Variants in TLK1 observed in about 807,000 individuals in gnomAD.
The protein encoded by TLK1 is tousled like kinase 1, also known as serine/threonine-protein kinase tousled-like 1.
A neutral mutation model predicts 105.3 loss-of-function variants in TLK1; 24 were observed. That is an observed-to-expected ratio of 0.23 (90% CI 0.17 to 0.32). The LOEUF (loss-of-function observed/expected upper bound fraction) is 0.32, where lower values mean the gene tolerates loss of function less well. TLK1 is among the 10% of genes least tolerant of loss of function. The pLI is 1.00. For synonymous variants in TLK1, 321 were observed against 310.4 expected (o/e 1.03, Z -0.36); for missense variants, 558 against 910.5 (o/e 0.61, Z 4.98).
chr2:171,098,753 A>G (rs1285804411), intron 2 of TLK1, among the ~76,000 whole-genome samples: 2 of 152,210 alleles, frequency 1.3e-5, no homozygotes, highest in African/African-American at 4.8e-5. Flanking sequence ...CCAGCAACAT[A>G]TAAAAAGGAT....
chr2:171,193,400 G>A (rs1470380430), intron 1 of TLK1, among the ~76,000 whole-genome samples: 1 of 138,758 alleles, frequency 7.2e-6, no homozygotes, highest in African/African-American at 2.6e-5. Flanking sequence ...TTAGTTTTTC[G>A]TTTTTTTTTT....
chr2:171,107,910 C>T (rs1286679043), intron 2 of TLK1, among the ~76,000 whole-genome samples: 1 of 151,698 alleles, frequency 6.6e-6, no homozygotes, highest in Non-Finnish European at 1.5e-5. Flanking sequence ...ATACAAAAAA[C>T]TTAGCCAGGC....
At chr2:171,229,691 G>C (rs1290855105) in intron 1 of TLK1, among the ~76,000 whole-genome samples, 1 of 152,198 alleles carries the variant, frequency 6.6e-6, no homozygotes, top group Non-Finnish European at 1.5e-5. Flanking sequence ...CTAAGTAGGA[G>C]CATTCAAGAG....
chr2:171,022,086 A>AAAACACAC (rs1553605634), intron 12 of TLK1, among the ~76,000 whole-genome samples: 1 of 103,010 alleles, frequency 9.7e-6, no homozygotes, highest in African/African-American at 3.0e-5. Flanking sequence ...CTGGGCGAAA[A>AAAACACAC]ACACACACAC....
At chr2:171,021,494 C>G (rs955635936) in intron 12 of TLK1, among the ~76,000 whole-genome samples, 2 of 141,014 alleles carry the variant, frequency 1.4e-5, no homozygotes, top group Non-Finnish European at 1.5e-5. Flanking sequence ...TTTCCAACTC[C>G]TGGGCTGAAG....
At chr2:171,023,587 CATA>C (rs1685634272) in intron 12 of TLK1, among the ~76,000 whole-genome samples, 1 of 152,126 alleles carries the variant, frequency 6.6e-6, no homozygotes, top group African/African-American at 2.4e-5. Context: ...TAAAGAGTAA[CATA>C]CCCACATGCT....
At chr2:171,147,888 A>G (rs1691854307) in intron 1 of TLK1, among the ~76,000 whole-genome samples, 2 of 150,574 alleles carry the variant, frequency 1.3e-5, no homozygotes, top group Admixed American at 6.6e-5. Flanking sequence ...ATTGGTATGC[A>G]GTCATTCCTT....
chr2:171,227,556 T>A (rs948005559), intron 1 of TLK1, among the ~76,000 whole-genome samples: 4 of 145,864 alleles, frequency 2.7e-5, no homozygotes, highest in Admixed American at 7.1e-5. Flanking sequence ...TAGTCATGAG[T>A]TAGTAAATCT....
upstream of TLK1, among the ~76,000 whole-genome samples, chr2:171,165,399 G>A (rs1249484064): frequency 6.6e-6 from 1 of 152,168 alleles, no homozygotes; most frequent in Admixed American, 6.5e-5. Context: ...TGGAAGGTCA[G>A]ATGCAAAAGG....
chr2:171,138,464 G>A (rs545254568), intron 1 of TLK1, among the ~76,000 whole-genome samples: 4 of 152,256 alleles, frequency 2.6e-5, no homozygotes, highest in South Asian at 2.1e-4. Flanking sequence ...AGGACAGTAC[G>A]AAATAACGTA....
intron 1 of TLK1, among the ~76,000 whole-genome samples, chr2:171,200,357 T>C (rs1293829181): frequency 6.6e-6 from 1 of 152,166 alleles, no homozygotes; most frequent in Non-Finnish European, 1.5e-5. Flanking sequence ...AAAATTTTGG[T>C]CTGTGCAACA....
intron 11 of TLK1, among the ~76,000 whole-genome samples, chr2:171,029,753 TACA>T (rs1187424303): frequency 1.3e-5 from 2 of 152,212 alleles, no homozygotes; most frequent in African/African-American, 4.8e-5. Context: ...TATGCAGAAC[TACA>T]ACAAGGCTTA....
At position 170,996,774 on chromosome 2, in the gene TLK1, T is replaced by A; in HGVS notation, c.2017-14A>T. On this transcript the variant is annotated splice_polypyrimidine_tract_variant and intron_variant, in intron 19 of 20. Coordinates refer to ENST00000431350, the MANE Select transcript of TLK1 (RefSeq NM_012290.5). ...GTGACCAAATGGCTTAAAAAAAAAA[T>A]TAAATGTTGAGATACTTTTCTCACA... 1.9e-6 allele frequency: 3 copies of A among 1,551,394 alleles called. No individual in the cohort carries two copies. The highest frequency in any genetic ancestry group is 1.8e-5 in the Admixed American group (1 of 54,240).
chr2:171,003,273 C>CAA (rs777049271), intron 18 of TLK1, among the ~76,000 whole-genome samples: 1,837 of 68,076 alleles, frequency 0.027, 239 homozygotes, highest in East Asian at 0.04. Flanking sequence ...GACTCCGTCT[C>CAA]AAAAAAAAAA....
At chr2:171,026,076 T>C (rs931939917) in intron 12 of TLK1, among the ~76,000 whole-genome samples, 1 of 152,162 alleles carries the variant, frequency 6.6e-6, no homozygotes, top group Admixed American at 6.5e-5. Flanking sequence ...AGTTATGTTG[T>C]AAATTAGTTA....
rs1368962004 is a variant in TLK1 at position 171,160,247 on chromosome 2, G to A, written c.139+43C>T. ...GGGGGGCGCGGGGGTCCGCGGCGCG[G>A]GAGAGGAGGCCCGCGAGCGGGCGCG... On this transcript the variant is annotated intron_variant, in intron 1 of 20. Coordinates refer to ENST00000431350, the MANE Select transcript of TLK1 (RefSeq NM_012290.5). The surrounding 1 kb of genome is among the most constrained non-coding windows in gnomAD (Gnocchi z 4.4). 6 of 1,426,448 alleles carry A rather than the reference G, an allele frequency of 4.2e-6. No individual in the cohort carries two copies. The African/African-American group carries it at 7.5e-5, about 18-fold the overall frequency. The allele number at this position is 1,426,448 out of a possible 1,614,324, so 88.4% of individuals were successfully genotyped here. A position where few individuals can be genotyped will look rare whatever the true frequency, so the allele number is the denominator to read the frequency against.
In TLK1 at chr2:171,006,234, G is replaced by A. The variant is rs1343735466; in HGVS notation, c.1817C>T (p.Thr606Ile). The change falls in exon 18 of 21, where the codon ACT (threonine) becomes ATT (isoleucine). Residue 606 changes from threonine (T) to isoleucine (I), a missense_variant. Around this residue, in one of 5 missense-constraint regions of TLK1, gnomAD observed 218 missense variants for 492.9 expected, o/e 0.44. Transcript: ENST00000431350. ...CATAATCTTGGACAGACCAAAATCA[G>A]TGATTTTGATTTCACCACATGCTGT... ...DGTACGEIKI[T>I]DFGLSKIMDD... The A allele has an allele frequency of 6.2e-7, 1 of 1,609,732 alleles. No homozygotes were observed. The highest frequency in any genetic ancestry group is 8.5e-7 in the Non-Finnish European group (1 of 1,178,244).
chr2:171,022,453 A>C (rs1259773553), intron 12 of TLK1, among the ~76,000 whole-genome samples: 1 of 152,066 alleles, frequency 6.6e-6, no homozygotes, highest in Non-Finnish European at 1.5e-5. Flanking sequence ...TCCCTCCAAG[A>C]AATCAGGAAT....
intron 1 of TLK1, among the ~76,000 whole-genome samples, chr2:171,125,789 C>T (rs1048999178): frequency 1.6e-4 from 25 of 152,038 alleles, no homozygotes; most frequent in African/African-American, 4.6e-4. Context: ...AGTTCTTTAG[C>T]GGTGATTTCT....
Sources: gnomAD v4.1 joint callset for allele counts (sites outside exome capture counted in the v4.1 genomes callset) on GRCh38, gnomAD v4.1.1 for gene constraint, gnomAD v4.1.1 regional missense constraint, Gnocchi (gnomAD v3.1) non-coding constraint, MANE v1.5 for transcripts, NCBI Gene and HGNC (gene_info 2026-07-23, HGNC 2026-07-21) for gene names.